MB21D2: variants seen among roughly 807,000 people sequenced by gnomAD.
MB21D2 encodes nucleotidyltransferase MB21D2.
Under a neutral mutation model 33.3 loss-of-function variants are expected in MB21D2, and 9 were observed. That is an observed-to-expected ratio of 0.27 (90% CI 0.16 to 0.47). The LOEUF (loss-of-function observed/expected upper bound fraction) is 0.47, where lower values mean the gene tolerates loss of function less well. Among genes scored for constraint, MB21D2 ranks in the 20% least tolerant of loss-of-function variants. The pLI is 0.99. For missense variants in MB21D2, 540 were observed against 624.6 expected, an observed-to-expected ratio of 0.86 and a Z score of 1.44; for synonymous variants, 241 against 236.3, an observed-to-expected ratio of 1.02 and a Z score of -0.18.
At chr3:192,833,017 T>C (rs1408883470) in intron 1 of MB21D2, among the ~76,000 whole-genome samples, 1 of 152,020 alleles carries the variant, frequency 6.6e-6, no homozygotes, top group Non-Finnish European at 1.5e-5. Context: ...GGACACATTA[T>C]AGTAAAATCT....
At chr3:192,884,514 C>T (rs1042154667) in intron 1 of MB21D2, among the ~76,000 whole-genome samples, 2 of 141,774 alleles carry the variant, frequency 1.4e-5, no homozygotes, top group South Asian at 4.9e-4. Context: ...CTACAGGCGC[C>T]CGCCACCACG....
chr3:192,837,283 T>C (rs1003538504), intron 1 of MB21D2, among the ~76,000 whole-genome samples: 6 of 152,160 alleles, frequency 3.9e-5, no homozygotes, highest in African/African-American at 1.2e-4. Flanking sequence ...TTTGTAAACA[T>C]GGAGAGACAT....
At chr3:192,883,328 A>T (rs1713647431) in intron 1 of MB21D2, among the ~76,000 whole-genome samples, 1 of 152,132 alleles carries the variant, frequency 6.6e-6, no homozygotes, top group African/African-American at 2.4e-5. Context: ...TTATATTTGT[A>T]TGAGTCATGT....
intron 1 of MB21D2, among the ~76,000 whole-genome samples, chr3:192,915,168 T>G (rs764289186): frequency 5.1e-4 from 77 of 152,066 alleles, no homozygotes; most frequent in Non-Finnish European, 9.4e-4. Context: ...CCAAGAGGAC[T>G]GGCCACCCTC....
chr3:192,851,175 T>A (rs1285902825), intron 1 of MB21D2, among the ~76,000 whole-genome samples: 1 of 152,110 alleles, frequency 6.6e-6, no homozygotes, highest in Non-Finnish European at 1.5e-5. Context: ...AGAATAGAAT[T>A]AAGCTATAAA....
At chr3:192,912,571 G>T (rs1186944985) in intron 1 of MB21D2, among the ~76,000 whole-genome samples, 1 of 152,114 alleles carries the variant, frequency 6.6e-6, no homozygotes, top group African/African-American at 2.4e-5. Flanking sequence ...TACTCGGGAG[G>T]CTGAGGCAGG....
intron 1 of MB21D2, among the ~76,000 whole-genome samples, chr3:192,810,277 C>G (rs1711756917): frequency 6.6e-6 from 1 of 152,252 alleles, no homozygotes; most frequent in South Asian, 2.1e-4. Flanking sequence ...AGATAATGCT[C>G]CTTGTAACAA....
rs575967383 is a variant in MB21D2, at chr3:192,839,315, A to G, written c.212-39665T>C. 2.6e-5 allele frequency among the ~76,000 whole-genome samples: 4 copies of G among 152,316 alleles called. No homozygotes were observed. The South Asian group carries it at 8.3e-4, about 32-fold the overall frequency. ...CGTACCTTCCTTCTAGGAGCAAAACAGCCTTCTGTTTCTCTCTGGGGCACT... is the reference window on the plus strand; with the variant it reads ...CGTACCTTCCTTCTAGGAGCAAAACGGCCTTCTGTTTCTCTCTGGGGCACT... On this transcript the variant is annotated intron_variant, in intron 1 of 1. Coordinates refer to ENST00000392452, the MANE Select transcript of MB21D2 (RefSeq NM_178496.4).
At chr3:192,806,640 G>C (rs1711666676) in intron 1 of MB21D2, among the ~76,000 whole-genome samples, 1 of 152,140 alleles carries the variant, frequency 6.6e-6, no homozygotes, top group Non-Finnish European at 1.5e-5. Flanking sequence ...CGCTTTTTAT[G>C]TATACCATTT....
At position 192,798,813 on chromosome 3, in the gene MB21D2, T is replaced by C; in HGVS notation, c.1049A>G (p.Gln350Arg). ...CAAAAAGTGGGCTGCATAGTCTTCT[T>C]GAGCCAAGTAGTTGGCAGGAAGTCT... is the stretch of plus-strand genomic sequence containing the variant. Reference protein sequence around the residue: ...CDRLPANYLAQEDYAAHFLLG... With the variant: ...CDRLPANYLAREDYAAHFLLG... Residue 350 changes from glutamine to arginine, a missense_variant, in exon 2 of 2, where the codon CAA (glutamine) becomes CGA (arginine). Transcript: ENST00000392452. The surrounding 1 kb of genome is among the most constrained non-coding windows in gnomAD (Gnocchi z 4.8). 1 of 1,612,276 alleles carries C rather than the reference T, an allele frequency of 6.2e-7. No individual in the cohort carries two copies. The highest frequency in any genetic ancestry group is 8.5e-7 in the Non-Finnish European group (1 of 1,179,582).
chr3:192,814,691 T>C lies in MB21D2; in HGVS notation c.212-15041A>G, dbSNP rs565233539. ...TCCTGGCTAACACGGTGAAACCCTG[T>C]CTCTACTAAAAAAAATACAAAAAAT... On this transcript the variant is annotated intron_variant, in intron 1 of 1. Transcript: ENST00000392452. 9.3e-4 allele frequency among the ~76,000 whole-genome samples: 138 copies of C among 149,104 alleles called. No individual in the cohort carries two copies. The East Asian group carries it at 0.025, about 27-fold the overall frequency.
intron 1 of MB21D2, among the ~76,000 whole-genome samples, chr3:192,811,854 C>T (rs1410684425): frequency 6.6e-6 from 1 of 152,064 alleles, no homozygotes; most frequent in Non-Finnish European, 1.5e-5. Flanking sequence ...TTCAAACAGA[C>T]CTTACTTATA....
chr3:192,848,216 C>G (rs977542208), intron 1 of MB21D2, among the ~76,000 whole-genome samples: 2 of 152,226 alleles, frequency 1.3e-5, no homozygotes, highest in Non-Finnish European at 2.9e-5. Flanking sequence ...CGGAAACTGA[C>G]ATTTTTCTTT....
At position 192,883,025 on chromosome 3, in the gene MB21D2, G is replaced by A. The variant is rs189658775; in HGVS notation, c.211+34605C>T. Among the ~76,000 whole-genome samples the A allele has an allele frequency of 9.4e-3, 1,428 of 151,922 alleles. 27 individuals are homozygous for A. Among genetic ancestry groups the A allele is most frequent in the African/African-American group, 0.032 (1,344 of 41,364 alleles). On this transcript the variant is annotated intron_variant, in intron 1 of 1. Coordinates refer to ENST00000392452, the MANE Select transcript of MB21D2 (RefSeq NM_178496.4). ...TGGGATTACAGGCATGAGCCACCAC[G>A]CCCGGCTAATTTTTGTATTTTTAGT...
intron 1 of MB21D2, among the ~76,000 whole-genome samples, chr3:192,852,294 A>C (rs1461161928): frequency 6.6e-6 from 1 of 152,248 alleles, no homozygotes; most frequent in African/African-American, 2.4e-5. Flanking sequence ...TTGCTACAAA[A>C]GCTAATAAAC....
At chr3:192,908,982 A>G (rs1259177238) in intron 1 of MB21D2, among the ~76,000 whole-genome samples, 1 of 151,826 alleles carries the variant, frequency 6.6e-6, no homozygotes, top group African/African-American at 2.4e-5. Context: ...GCGGCCGGGC[A>G]CGGTGGCTCA....
chr3:192,889,822 A>T (rs1255206412), intron 1 of MB21D2, among the ~76,000 whole-genome samples: 1 of 152,072 alleles, frequency 6.6e-6, no homozygotes, highest in African/African-American at 2.4e-5. Context: ...CTGGGACTGA[A>T]CTCAGTCCAA....
intron 1 of MB21D2, among the ~76,000 whole-genome samples, chr3:192,904,943 T>C (rs867843061): frequency 2.4e-4 from 37 of 152,316 alleles, no homozygotes; most frequent in African/African-American, 8.7e-4. Flanking sequence ...AACGGGGTAA[T>C]GAGCCCGCAG....
intron 1 of MB21D2, among the ~76,000 whole-genome samples, chr3:192,912,481 C>G (rs561721433): frequency 1.3e-5 from 2 of 151,942 alleles, no homozygotes; most frequent in Non-Finnish European, 2.9e-5. Context: ...CCAGCCTTGG[C>G]CAACAACATG....
Sources: gnomAD v4.1 joint callset for allele counts (sites outside exome capture counted in the v4.1 genomes callset) on GRCh38, gnomAD v4.1.1 for gene constraint, Gnocchi (gnomAD v3.1) non-coding constraint, MANE v1.5 for transcripts, NCBI Gene and HGNC (gene_info 2026-07-23, HGNC 2026-07-21) for gene names.